The following CLPB variants were observed in gnomAD, a reference collection of about 807,000 sequenced individuals.
CLPB encodes the protein mitochondrial disaggregase.
In CLPB, 40 loss-of-function variants were observed where a neutral mutation model predicts 78.4. The observed-to-expected ratio is 0.51, with a 90% confidence interval of 0.40 to 0.66. The LOEUF (loss-of-function observed/expected upper bound fraction) is 0.66. Among genes scored for constraint, CLPB ranks in the 30% least tolerant of loss-of-function variants. The probability of loss-of-function intolerance (pLI) is 0.00; values close to 1 mark genes in which losing one functional copy is unlikely to be tolerated. For missense variants in CLPB, 780 were observed against 886.9 expected (o/e 0.88, Z 1.53); for synonymous variants, 333 against 348.0 (o/e 0.96, Z 0.48).
intron 6 of CLPB, among the ~76,000 whole-genome samples, chr11:72,323,499 G>A (rs1399435757): frequency 7.3e-5 from 11 of 151,404 alleles, no homozygotes; most frequent in African/African-American, 1.9e-4. Context: ...CCCAGGAGGC[G>A]GAGGTTGCAG....
chr11:72,433,464 C>T (rs1252804287), intron 1 of CLPB, among the ~76,000 whole-genome samples: 8 of 151,744 alleles, frequency 5.3e-5, no homozygotes, highest in Admixed American at 5.3e-4. Context: ...AGCTTGAACC[C>T]GGGAGGCGGA....
rs1184075984 is a variant in CLPB at position 72,290,402 on chromosome 11, T to C, written c.*2965A>G. The C allele has an allele frequency of 6.6e-6, 1 of 152,226 alleles. No homozygotes were observed. Among genetic ancestry groups the C allele is most frequent in the East Asian group, 1.9e-4 (1 of 5,202 alleles). The allele number at this position is 152,226 out of a possible 1,614,324, so 9.4% of individuals were successfully genotyped here. On this transcript the variant is annotated 3_prime_UTR_variant, in exon 16 of 16. Transcript: ENST00000538039. ...GGGGAAAAGGGACAGCTCTTCCTTA[T>C]AGTAGAATACCAATTAATAAATACA...
chr11:72,344,559 C>T (rs1169840871), intron 5 of CLPB, among the ~76,000 whole-genome samples: 1 of 152,096 alleles, frequency 6.6e-6, no homozygotes, highest in Non-Finnish European at 1.5e-5. Flanking sequence ...CCATGACTTT[C>T]TCTCCTTTGC....
chr11:72,324,540 G>C (rs1950099032), intron 6 of CLPB, among the ~76,000 whole-genome samples: 1 of 151,980 alleles, frequency 6.6e-6, no homozygotes, highest in African/African-American at 2.4e-5. Flanking sequence ...ACTCGAGCCT[G>C]GGCGACACAG....
intron 2 of CLPB, among the ~76,000 whole-genome samples, chr11:72,425,961 C>T (rs1337747035): frequency 6.6e-6 from 1 of 152,096 alleles, no homozygotes; most frequent in Non-Finnish European, 1.5e-5. Flanking sequence ...CACCCTATTG[C>T]CACAGTTTAC....
At chr11:72,389,399 T>A (rs1432184923) in intron 3 of CLPB, among the ~76,000 whole-genome samples, 1 of 152,252 alleles carries the variant, frequency 6.6e-6, no homozygotes, top group Non-Finnish European at 1.5e-5. Flanking sequence ...TTTGTTCTGA[T>A]GCTGGCATAC....
intron 3 of CLPB, among the ~76,000 whole-genome samples, chr11:72,381,474 C>T (rs1266890147): frequency 1.3e-5 from 2 of 152,128 alleles, no homozygotes; most frequent in Non-Finnish European, 2.9e-5. Flanking sequence ...CAGTCATGGA[C>T]TCTGGGCCCA....
intron 2 of CLPB, among the ~76,000 whole-genome samples, chr11:72,423,953 A>C (rs76162878): frequency 0.1 from 15,328 of 152,128 alleles, 1,336 homozygotes; most frequent in African/African-American, 0.24. Context: ...TCTCTTCATC[A>C]TTAAGAGTTC....
chr11:72,430,834 G>A (rs967578472), intron 1 of CLPB, among the ~76,000 whole-genome samples: 1 of 152,192 alleles, frequency 6.6e-6, no homozygotes, highest in African/African-American at 2.4e-5. Context: ...CAAGCAGGGT[G>A]TAGGCCTCTC....
chr11:72,297,651 GT>G (rs1949577027), intron 11 of CLPB, among the ~76,000 whole-genome samples: 1 of 86,786 alleles, frequency 1.2e-5, no homozygotes, highest in African/African-American at 9.3e-5. Context: ...GTGTGTGTGT[GT>G]GTGTGTGTGT....
At chr11:72,315,668 C>T (rs547438288) in intron 7 of CLPB, among the ~76,000 whole-genome samples, 10 of 152,194 alleles carry the variant, frequency 6.6e-5, no homozygotes, top group African/African-American at 2.4e-4. Flanking sequence ...TCAGCCAATT[C>T]GTGAGGGTAA....
intron 4 of CLPB, among the ~76,000 whole-genome samples, chr11:72,368,960 G>A (rs1192802113): frequency 6.6e-6 from 1 of 152,138 alleles, no homozygotes; most frequent in Non-Finnish European, 1.5e-5. Context: ...TCAGAATAGA[G>A]CTGATGAATT....
At chr11:72,338,841 A>T (rs1950368020) in intron 5 of CLPB, among the ~76,000 whole-genome samples, 1 of 152,182 alleles carries the variant, frequency 6.6e-6, no homozygotes, top group Non-Finnish European at 1.5e-5. Flanking sequence ...TCCTTTCTTT[A>T]TCAGGATGAC....
In CLPB at chr11:72,293,385, CT is replaced by C. The variant is rs1253182915; in HGVS notation, c.2015del (p.Lys672ArgfsTer30). The C allele has an allele frequency of 6.2e-7, 1 of 1,613,956 alleles. No individual in the cohort carries two copies. Among genetic ancestry groups the C allele is most frequent in the Non-Finnish European group, 8.5e-7 (1 of 1,179,958 alleles). On this transcript the variant is annotated frameshift_variant, in exon 16 of 16. Coordinates refer to ENST00000538039, the MANE Select transcript of CLPB (RefSeq NM_001258392.3). LOFTEE classifies it high-confidence loss of function. ...GTGGCTGCTAGATGGTGTTGCACAC[CT>C]TCTCAGGGTGCAGTGGTGCCCGGAT... Reference protein sequence around the residue: ...LDIRAPLHPEKVCNTI With the variant: ...LDIRAPLHPEXVCNTI
At chr11:72,339,122 C>T (rs1950372763) in intron 5 of CLPB, among the ~76,000 whole-genome samples, 1 of 152,158 alleles carries the variant, frequency 6.6e-6, no homozygotes, top group Non-Finnish European at 1.5e-5. Context: ...GGGACATCTT[C>T]CTCATCAAAT....
chr11:72,337,270 C>T (rs1404192003), intron 5 of CLPB: 5 of 397,244 alleles, frequency 1.3e-5, no homozygotes, highest in South Asian at 1.4e-4. Context: ...TGTACACAGA[C>T]ATTCACACTT....
At chr11:72,420,702 C>T (rs1038752576) in intron 2 of CLPB, among the ~76,000 whole-genome samples, 19 of 152,244 alleles carry the variant, frequency 1.2e-4, no homozygotes, top group Middle Eastern at 3.4e-3. Context: ...TCCACAGATA[C>T]TGGTGTTGTA....
intron 3 of CLPB, among the ~76,000 whole-genome samples, chr11:72,395,970 T>C (rs1294057192): frequency 1.3e-5 from 2 of 152,148 alleles, no homozygotes; most frequent in African/African-American, 4.8e-5. Flanking sequence ...ACCTCTTCTG[T>C]AGGACAGCAA....
intron 2 of CLPB, among the ~76,000 whole-genome samples, chr11:72,418,212 T>A (rs567283941): frequency 6.6e-6 from 1 of 152,180 alleles, no homozygotes; most frequent in Non-Finnish European, 1.5e-5. Flanking sequence ...CCAGACTCCA[T>A]CTGTACCATG....
Sources: gnomAD v4.1 joint callset for allele counts (sites outside exome capture counted in the v4.1 genomes callset) on GRCh38, gnomAD v4.1.1 for gene constraint, MANE v1.5 for transcripts, NCBI Gene and HGNC (gene_info 2026-07-23, HGNC 2026-07-21) for gene names.